Variants in SPATA18 observed in about 807,000 individuals in gnomAD.
SPATA18 encodes mitochondria-eating protein.
SPATA18 carries 54 observed loss-of-function variants against 68.1 expected under a neutral mutation model. The observed-to-expected ratio is 0.79, with a 90% confidence interval of 0.64 to 0.99. The LOEUF (loss-of-function observed/expected upper bound fraction) is 0.99. Among genes scored for constraint, SPATA18 ranks in the 50% least tolerant of loss-of-function variants. The probability of loss-of-function intolerance (pLI) is 0.00; values close to 1 mark genes in which losing one functional copy is unlikely to be tolerated. For synonymous variants in SPATA18, 242 were observed against 244.8 expected, an observed-to-expected ratio of 0.99 and a Z score of 0.11; for missense variants, 724 against 681.1, an observed-to-expected ratio of 1.06 and a Z score of -0.70.
chr4:52,094,717 G>C (rs1742285056), intron 12 of SPATA18, 145 bp downstream of exon 12: 2 of 1,278,450 alleles, frequency 1.6e-6, no homozygotes, highest in African/African-American at 1.5e-5. Context: ...TGGGCCTCTG[G>C]CTGATGGTAC....
chr4:52,090,516 A>G lies in SPATA18; in HGVS notation c.1564-4011A>G, dbSNP rs191777885. 6.0e-4 allele frequency among the ~76,000 whole-genome samples: 92 copies of G among 152,096 alleles called. 1 individual carries two copies. Among genetic ancestry groups the G allele is most frequent in the African/African-American group, 2.2e-3 (91 of 41,464 alleles). ...CTCAGCATTTGCTTGTCTGTAAAGG[A>G]TTTTATTTCTCCTTTGCTTATGAAG... On this transcript the variant is annotated intron_variant, in intron 11 of 12. Transcript: ENST00000295213.
At chr4:52,064,504 C>G (rs146320442) in intron 4 of SPATA18, among the ~76,000 whole-genome samples, 183 of 152,188 alleles carry the variant, frequency 1.2e-3, no homozygotes, top group Admixed American at 7.2e-3. Context: ...TTAACTCCCA[C>G]TTATAAGTGA....
chr4:52,069,571 G>A (rs1739614547), intron 4 of SPATA18, among the ~76,000 whole-genome samples: 2 of 152,174 alleles, frequency 1.3e-5, no homozygotes, highest in South Asian at 4.1e-4. Context: ...AATACTAATA[G>A]TCTTTTGGGG....
At chr4:52,057,705 A>G (rs1234875137) in intron 1 of SPATA18, among the ~76,000 whole-genome samples, 2 of 152,216 alleles carry the variant, frequency 1.3e-5, no homozygotes, top group East Asian at 1.9e-4. Context: ...AATGCAGCTG[A>G]TAAGTTGAGA....
At chr4:52,067,732 T>C (rs565385685) in intron 4 of SPATA18, among the ~76,000 whole-genome samples, 2 of 152,298 alleles carry the variant, frequency 1.3e-5, no homozygotes, top group South Asian at 2.1e-4. Context: ...ATAGCACTTA[T>C]GAGAAAAGTT....
At chr4:52,064,849 A>G (rs1182637505) in intron 4 of SPATA18, among the ~76,000 whole-genome samples, 1 of 152,208 alleles carries the variant, frequency 6.6e-6, no homozygotes, top group African/African-American at 2.4e-5. Flanking sequence ...GAATCTCCAC[A>G]TTGTTTTCAA....
At chr4:52,087,454 G>A (rs1010693937) in intron 11 of SPATA18, among the ~76,000 whole-genome samples, 2 of 152,128 alleles carry the variant, frequency 1.3e-5, no homozygotes, top group Non-Finnish European at 2.9e-5. Flanking sequence ...AAAGGTGTAA[G>A]GAAGGGGTCC....
intron 11 of SPATA18, among the ~76,000 whole-genome samples, chr4:52,090,346 C>G (rs1220685367): frequency 6.6e-6 from 1 of 151,964 alleles, no homozygotes; most frequent in Non-Finnish European, 1.5e-5. Flanking sequence ...ATTGTTTTGC[C>G]CATTAGTTAA....
chr4:52,090,369 A>G (rs1351385808), intron 11 of SPATA18, among the ~76,000 whole-genome samples: 2 of 152,162 alleles, frequency 1.3e-5, no homozygotes, highest in Non-Finnish European at 2.9e-5. Context: ...CAGTTCCTTC[A>G]TAGTGTCAAT....
intron 4 of SPATA18, among the ~76,000 whole-genome samples, chr4:52,065,781 T>C (rs1264167645): frequency 6.6e-6 from 1 of 152,184 alleles, no homozygotes; most frequent in Non-Finnish European, 1.5e-5. Flanking sequence ...TGGTTCTGAC[T>C]TAGTTCCAAA....
intron 11 of SPATA18, among the ~76,000 whole-genome samples, chr4:52,090,612 C>A (rs1206276006): frequency 6.6e-6 from 1 of 152,190 alleles, no homozygotes; most frequent in African/African-American, 2.4e-5. Context: ...TATTGGCCCT[C>A]ACTCTCTTCT....
At chr4:52,063,148 C>CT (rs1296185652) in intron 4 of SPATA18, among the ~76,000 whole-genome samples, 5 of 152,008 alleles carry the variant, frequency 3.3e-5, no homozygotes, top group African/African-American at 1.2e-4. Flanking sequence ...GAAAGGAAAT[C>CT]TTTTTTTAAA....
At chr4:52,093,875 C>T (rs957537549) in intron 11 of SPATA18, among the ~76,000 whole-genome samples, 1 of 152,176 alleles carries the variant, frequency 6.6e-6, no homozygotes. Context: ...TTCCATCATC[C>T]TCTTGCCACA....
rs141339947 is a variant in SPATA18 at position 52,060,427 on chromosome 4, G to T, written c.96G>T (p.Thr32=). Residue 32 remains threonine (T), a synonymous_variant, in exon 2 of 13, where the codon ACG becomes ACT. Transcript: ENST00000295213. The stretch of plus-strand genomic sequence containing the variant: ...CTGTTTTGCCCTTGCAGACAAACAC[G>T]TGTGATCAAAATCTAAACCATTGCC... ...DFWLKEYNTN[T]CDQNLNHCLE... 1.2e-6 allele frequency: 2 copies of T among 1,613,876 alleles called. No individual in the cohort carries two copies. Among genetic ancestry groups the T allele is most frequent in the South Asian group, 2.2e-5 (2 of 91,060 alleles).
At chr4:52,090,798 A>G (rs1293155503) in intron 11 of SPATA18, among the ~76,000 whole-genome samples, 1 of 151,828 alleles carries the variant, frequency 6.6e-6, no homozygotes, top group African/African-American at 2.4e-5. Context: ...ATCTTTGTGG[A>G]GTTCTCTGTA....
rs755166195 is a variant in SPATA18 at position 52,097,294 on chromosome 4, TC to T, written c.*2410del. The T allele has an allele frequency of 1.3e-5, 2 of 152,182 alleles. No individual in the cohort carries two copies. The highest frequency in any genetic ancestry group is 2.9e-5 in the Non-Finnish European group (2 of 68,026). 9.4% of individuals were successfully genotyped at this position (152,182 alleles called of 1,614,324 possible). A position where few individuals can be genotyped will look rare whatever the true frequency, so the allele number is the denominator to read the frequency against. On this transcript the variant is annotated 3_prime_UTR_variant, in exon 13 of 13. Coordinates refer to ENST00000295213, the MANE Select transcript of SPATA18 (RefSeq NM_145263.4). ...GCAATAAAATGCTTTCCTTCTACAG[TC>T]CCAAGTTCAATGATGTCCTTTACCC... is the stretch of plus-strand genomic sequence containing the variant.
chr4:52,070,880 T>TTG (rs905248605), intron 5 of SPATA18, among the ~76,000 whole-genome samples: 52 of 143,876 alleles, frequency 3.6e-4, no homozygotes, highest in African/African-American at 1.2e-3. Context: ...AAAGAGTAAG[T>TTG]GGGGGGGGGG....
intron 3 of SPATA18, among the ~76,000 whole-genome samples, 179 bp downstream of exon 3, chr4:52,061,076 G>C (rs1217307845): frequency 1.3e-5 from 2 of 152,218 alleles, no homozygotes; most frequent in Non-Finnish European, 2.9e-5. Flanking sequence ...GATCAGACTA[G>C]AAAGAGCGCA....
intron 1 of SPATA18, among the ~76,000 whole-genome samples, chr4:52,060,147 C>T (rs568270457): frequency 6.6e-6 from 1 of 152,206 alleles, no homozygotes; most frequent in African/African-American, 2.4e-5. Context: ...AAGAGGTTCT[C>T]TTCTGGGCCA....
Sources: gnomAD v4.1 joint callset for allele counts (sites outside exome capture counted in the v4.1 genomes callset) on GRCh38, gnomAD v4.1.1 for gene constraint, MANE v1.5 for transcripts, NCBI Gene and HGNC (gene_info 2026-07-23, HGNC 2026-07-21) for gene names.